The following NEO1 variants were observed in gnomAD, a reference collection of about 807,000 sequenced individuals.
NEO1 encodes neogenin.
In NEO1, 63 loss-of-function variants were observed where a neutral mutation model predicts 159.7. The observed-to-expected ratio is 0.39, with a 90% CI of 0.32 to 0.49. NEO1 has a LOEUF of 0.49. NEO1 is among the 20% of genes least tolerant of loss of function. The probability of loss-of-function intolerance (pLI) is 0.85; values close to 1 mark genes in which losing one functional copy is unlikely to be tolerated. For synonymous variants in NEO1, 633 were observed against 662.0 expected (o/e 0.96, Z 0.67); for missense variants, 1,615 against 1,831.0 (o/e 0.88, Z 2.15).
At chr15:73,116,352 G>C (rs2071314659) in intron 1 of NEO1, among the ~76,000 whole-genome samples, 188 bp from the exon 2 acceptor site, 1 of 151,910 alleles carries the variant, frequency 6.6e-6, no homozygotes, top group African/African-American at 2.4e-5. Flanking sequence ...CTTCTAAATG[G>C]CTCAAAGTTT....
chr15:73,283,353 G>T (rs2041808530), intron 23 of NEO1, among the ~76,000 whole-genome samples: 1 of 152,222 alleles, frequency 6.6e-6, no homozygotes, highest in Non-Finnish European at 1.5e-5. Context: ...TGGGGTTAGG[G>T]CAAACTAGGC....
chr15:73,057,647 GA>G (rs1318150960), intron 1 of NEO1, among the ~76,000 whole-genome samples: 9 of 152,252 alleles, frequency 5.9e-5, no homozygotes, highest in Middle Eastern at 3.4e-3. Context: ...TTAGAATGAA[GA>G]GAGTTTTTTT....
intron 7 of NEO1, among the ~76,000 whole-genome samples, chr15:73,230,338 C>A (rs1210968970): frequency 6.6e-6 from 1 of 151,890 alleles, no homozygotes; most frequent in East Asian, 1.9e-4. Flanking sequence ...TTTTTTTTCC[C>A]AAAATATTCC....
chr15:73,202,474 T>C (rs921457753), intron 7 of NEO1, among the ~76,000 whole-genome samples: 34 of 152,246 alleles, frequency 2.2e-4, no homozygotes, highest in East Asian at 5.8e-4. Flanking sequence ...GCATCTGTTA[T>C]CTGCTTTCAA....
intron 1 of NEO1, among the ~76,000 whole-genome samples, chr15:73,063,509 G>A (rs889663198): frequency 4.6e-5 from 7 of 151,980 alleles, no homozygotes; most frequent in Non-Finnish European, 1.0e-4. Context: ...ATTGTTAAAT[G>A]AGTGAGCTTA....
In NEO1 at chr15:73,260,300, C is replaced by G; in HGVS notation, c.2233C>G (p.Leu745Val). ...ETRVPEVPSS[L>V]HVRPLVTSIV... ...TCGTGTTCCTGAAGTGCCTAGCTCT[C>G]TTCACGTACGCCCGCTCGTTACTAG... Residue 745 changes from leucine to valine, a missense_variant, in exon 15 of 29, where the codon CTT becomes GTT. This residue lies in a region of NEO1 where 1,018 missense variants were observed against 1,115.4 expected (regional missense o/e 0.91). Transcript: ENST00000261908. The G allele has an allele frequency of 1.2e-6, 2 of 1,613,880 alleles. No homozygotes were observed. Among genetic ancestry groups the G allele is most frequent in the Non-Finnish European group, 1.7e-6 (2 of 1,179,920 alleles).
intron 3 of NEO1, among the ~76,000 whole-genome samples, chr15:73,124,398 C>T (rs1035663251): frequency 2.5e-4 from 38 of 152,230 alleles, no homozygotes; most frequent in African/African-American, 8.9e-4. Flanking sequence ...CACACCTTTG[C>T]TCAAAACTCC....
chr15:73,109,367 A>G (rs1391754590), intron 1 of NEO1, among the ~76,000 whole-genome samples: 1 of 152,154 alleles, frequency 6.6e-6, no homozygotes, highest in Non-Finnish European at 1.5e-5. Context: ...ATGGGGGAGA[A>G]AATGTTAGAT....
At chr15:73,149,175 C>T (rs1323453151) in intron 5 of NEO1, among the ~76,000 whole-genome samples, 2 of 151,846 alleles carry the variant, frequency 1.3e-5, no homozygotes, top group East Asian at 1.9e-4. Flanking sequence ...ATTAGCTGGG[C>T]GTGGTGGCAG....
At chr15:73,088,545 T>C (rs757287302) in intron 1 of NEO1, among the ~76,000 whole-genome samples, 2 of 152,058 alleles carry the variant, frequency 1.3e-5, no homozygotes, top group Non-Finnish European at 2.9e-5. Context: ...AAAATAAATT[T>C]TGAAGTGCAA....
At chr15:73,195,823 T>C (rs896200794) in intron 7 of NEO1, among the ~76,000 whole-genome samples, 17 of 152,226 alleles carry the variant, frequency 1.1e-4, no homozygotes, top group African/African-American at 3.9e-4. Context: ...TTGTAGTTTA[T>C]TATAGAATAG....
chr15:73,251,615 G>A (rs2040075993), intron 11 of NEO1, among the ~76,000 whole-genome samples: 1 of 152,022 alleles, frequency 6.6e-6, no homozygotes, highest in South Asian at 2.1e-4. Flanking sequence ...AAGATACTGG[G>A]GAAAAGTTAA....
intron 20 of NEO1, among the ~76,000 whole-genome samples, chr15:73,274,362 C>T (rs762288474): frequency 6.6e-6 from 1 of 152,120 alleles, no homozygotes; most frequent in Admixed American, 6.6e-5. Flanking sequence ...TCAACTCAGG[C>T]AGGCTATTAA....
rs2042055218 is a variant in NEO1 at position 73,288,954 on chromosome 15, A to T, written c.3650-192A>T. 10 of 588,100 alleles carry T rather than the reference A, an allele frequency of 1.7e-5. No homozygotes were observed. In the South Asian group the frequency reaches 2.0e-4, roughly 12 times the overall value. The allele number at this position is 588,100 out of a possible 1,614,324, so 36.4% of individuals were successfully genotyped here. A position where few individuals can be genotyped will look rare whatever the true frequency, so the allele number is the denominator to read the frequency against. ...TATGGTGGGCAGCATTGTGACATCC[A>T]CATTGATTCAGCAGGAACTCTTGTA... On this transcript the variant is annotated intron_variant, in intron 24 of 28. Coordinates refer to ENST00000261908, the MANE Select transcript of NEO1 (RefSeq NM_002499.4).
chr15:73,257,872 T>C (rs2040442086), intron 13 of NEO1, among the ~76,000 whole-genome samples: 1 of 152,228 alleles, frequency 6.6e-6, no homozygotes, highest in South Asian at 2.1e-4. Context: ...TCTAGTACTT[T>C]CTGGTTCATT....
intron 7 of NEO1, among the ~76,000 whole-genome samples, chr15:73,187,237 A>G (rs1000245707): frequency 2.0e-5 from 3 of 152,190 alleles, no homozygotes; most frequent in Non-Finnish European, 4.4e-5. Flanking sequence ...GTGATCACAG[A>G]GATATGTTAG....
At chr15:73,061,990 G>A (rs1009143027) in intron 1 of NEO1, among the ~76,000 whole-genome samples, 18 of 152,174 alleles carry the variant, frequency 1.2e-4, no homozygotes, top group African/African-American at 1.4e-4. Context: ...GTGAACCCAC[G>A]TTTATAAATG....
At chr15:73,192,346 G>T (rs976136851) in intron 7 of NEO1, among the ~76,000 whole-genome samples, 4 of 151,924 alleles carry the variant, frequency 2.6e-5, no homozygotes, top group Non-Finnish European at 4.4e-5. Context: ...TATGGACATG[G>T]TAGTCCTTAT....
intron 1 of NEO1, among the ~76,000 whole-genome samples, chr15:73,081,942 C>T (rs946507974): frequency 5.3e-5 from 8 of 150,762 alleles, no homozygotes; most frequent in African/African-American, 2.0e-4. Flanking sequence ...TTTTGGCTCA[C>T]TGCAACCTCC....
Sources: gnomAD v4.1 joint callset for allele counts (sites outside exome capture counted in the v4.1 genomes callset) on GRCh38, gnomAD v4.1.1 for gene constraint, gnomAD v4.1.1 regional missense constraint, MANE v1.5 for transcripts, NCBI Gene and HGNC (gene_info 2026-07-23, HGNC 2026-07-21) for gene names.